The following TMEM245 variants were observed in gnomAD, a reference collection of about 807,000 sequenced individuals.
TMEM245 encodes the protein transmembrane protein 245.
In TMEM245, 69 loss-of-function variants were observed where a neutral mutation model predicts 101.2. The ratio of observed to expected loss-of-function variants is 0.68; its 90% confidence interval spans 0.56 to 0.83. The LOEUF is 0.83. Ranked by LOEUF, TMEM245 falls within the 40% of genes least tolerant of loss-of-function variation. The pLI is 0.00. For missense variants in TMEM245, 1,075 were observed against 1,092.8 expected (o/e 0.98, Z 0.23); for synonymous variants, 537 against 449.8 (o/e 1.19, Z -2.45).
chr9:109,068,184 G>A (rs1187473627), intron 9 of TMEM245, among the ~76,000 whole-genome samples: 4 of 152,052 alleles, frequency 2.6e-5, no homozygotes, highest in Admixed American at 6.6e-5. Context: ...TGGCTAACAC[G>A]GTGAAACCCT....
At chr9:109,059,817 C>T (rs1239537380) in intron 11 of TMEM245, among the ~76,000 whole-genome samples, 1 of 151,964 alleles carries the variant, frequency 6.6e-6, no homozygotes, top group African/African-American at 2.4e-5. Flanking sequence ...AGGAGCTAGC[C>T]ACATGTGGCT....
At position 109,119,542 on chromosome 9, in the gene TMEM245, C is replaced by T; in HGVS notation, c.372G>A (p.Leu124=). ...AGTCGACGAAGCAGAGCGGCAGGAG[C>T]AGCGCGGCCAGGACGATGGGCGTGT... The part of the protein sequence containing the change: ...RAHTPIVLAA[L]LLPLCFVDYG... Residue 124 remains leucine, a synonymous_variant, in exon 1 of 18, where the codon CTG becomes CTA. Transcript: ENST00000374586. 3 of 1,530,776 alleles carry T rather than the reference C, an allele frequency of 2.0e-6. No homozygotes were observed. Among genetic ancestry groups the T allele is most frequent in the Non-Finnish European group, 1.7e-6 (2 of 1,144,282 alleles). 94.8% of individuals were successfully genotyped at this position (1,530,776 alleles called of 1,614,324 possible).
chr9:109,084,600 T>G (rs189365021), intron 7 of TMEM245, among the ~76,000 whole-genome samples: 1 of 152,342 alleles, frequency 6.6e-6, no homozygotes, highest in East Asian at 1.9e-4. Context: ...AATCATCGCT[T>G]GAGCCCAAGT....
chr9:109,074,334 G>C (rs1829429073), intron 8 of TMEM245, among the ~76,000 whole-genome samples: 1 of 152,078 alleles, frequency 6.6e-6, no homozygotes, highest in Non-Finnish European at 1.5e-5. Context: ...ATACAATTTG[G>C]AACTCAGCCA....
chr9:109,083,298 G>A (rs541011159), intron 7 of TMEM245, among the ~76,000 whole-genome samples: 45 of 152,210 alleles, frequency 3.0e-4, no homozygotes, highest in Admixed American at 2.8e-3. Flanking sequence ...AAGAGAGGAA[G>A]CAATGGAGAA....
At chr9:109,068,226 C>T (rs1251943203) in intron 9 of TMEM245, among the ~76,000 whole-genome samples, 5 of 151,832 alleles carry the variant, frequency 3.3e-5, no homozygotes, top group South Asian at 2.1e-4. Context: ...AAAAATTAGC[C>T]GGGCGTGGTG....
intron 2 of TMEM245, among the ~76,000 whole-genome samples, chr9:109,108,166 C>G (rs944090083): frequency 8.5e-5 from 13 of 152,102 alleles, no homozygotes; most frequent in African/African-American, 2.9e-4. Flanking sequence ...ATATCTTCCC[C>G]TAAGTATGAC....
At chr9:109,072,272 G>A (rs1414138164) in intron 9 of TMEM245, among the ~76,000 whole-genome samples, 1 of 152,182 alleles carries the variant, frequency 6.6e-6, no homozygotes, top group Admixed American at 6.5e-5. Flanking sequence ...ACACTGGAAT[G>A]TGGACAGATG....
At chr9:109,113,264 A>C in intron 1 of TMEM245, among the ~76,000 whole-genome samples, 1 of 152,250 alleles carries the variant, frequency 6.6e-6, no homozygotes, top group East Asian at 1.9e-4. Flanking sequence ...CACAATTTCT[A>C]GTCTAGGACC....
chr9:109,085,560 CCATA>C (rs1383086706), intron 7 of TMEM245, among the ~76,000 whole-genome samples: 1 of 152,146 alleles, frequency 6.6e-6, no homozygotes, highest in Admixed American at 6.5e-5. Flanking sequence ...GCCAAGGAAA[CCATA>C]CAAATATTTC....
chr9:109,094,371 G>A (rs1830084800), intron 3 of TMEM245, among the ~76,000 whole-genome samples: 1 of 152,198 alleles, frequency 6.6e-6, no homozygotes, highest in South Asian at 2.1e-4. Context: ...CTGCAGCCGA[G>A]GTCTCACATG....
rs201455429 is a variant in TMEM245, at chr9:109,090,233, C to G, written c.1150+689G>C. 3.9e-5 allele frequency among the ~76,000 whole-genome samples: 6 copies of G among 152,156 alleles called. No individual in the cohort carries two copies. In the East Asian group the frequency reaches 1.2e-3, roughly 29 times the overall value. On this transcript the variant is annotated intron_variant, in intron 5 of 17. Coordinates refer to ENST00000374586, the MANE Select transcript of TMEM245 (RefSeq NM_032012.4). ...CTGAGATCGCGCCACTGCAATCCAG[C>G]CTGGGTGACAGAGCGAGACTCCGTC...
At chr9:109,106,792 TTCATCCCTGCTC>T (rs1310054359) in intron 2 of TMEM245, among the ~76,000 whole-genome samples, 183 bp from the exon 3 acceptor site, 1 of 152,060 alleles carries the variant, frequency 6.6e-6, no homozygotes, top group African/African-American at 2.4e-5. Flanking sequence ...CAAAATTAAG[TTCATCCCTGCTC>T]TCAGAGGCCC....
intron 17 of TMEM245, among the ~76,000 whole-genome samples, chr9:109,027,434 G>A (rs1268198324): frequency 6.6e-6 from 1 of 152,192 alleles, no homozygotes; most frequent in Non-Finnish European, 1.5e-5. Context: ...AACACTGGGA[G>A]ATTAAGTGGA....
In TMEM245 at chr9:109,106,552, G is replaced by A. The variant is rs866016741; in HGVS notation, c.755C>T (p.Ser252Phe). Reference sequence around the variant, plus strand: ...CTGTTTTTCATAGAGGGTACCCACAGACATCAGGAAAACAATAACCAGGAA... The same window carrying A: ...CTGTTTTTCATAGAGGGTACCCACAAACATCAGGAAAACAATAACCAGGAA... ...PVFLVIVFLM[S>F]VGTLYEKQNG... Residue 252 changes from serine to phenylalanine, a missense_variant, in exon 3 of 18, where the codon TCT becomes TTT. By Grantham distance (155) the Ser-to-Phe change is radical (BLOSUM62 -2). Coordinates refer to ENST00000374586, the MANE Select transcript of TMEM245 (RefSeq NM_032012.4). The A allele has an allele frequency of 6.2e-7, 1 of 1,612,546 alleles. No homozygotes were observed. The highest frequency in any genetic ancestry group is 8.5e-7 in the Non-Finnish European group (1 of 1,179,148).
In TMEM245 at chr9:109,038,009, G is replaced by T. The variant is rs754797971; in HGVS notation, c.2224+8C>A. 1.1e-5 allele frequency: 18 copies of T among 1,594,106 alleles called. No homozygotes were observed. Among genetic ancestry groups the T allele is most frequent in the Non-Finnish European group, 1.5e-5 (18 of 1,166,148 alleles). Reference sequence around the variant, plus strand: ...AGCGAATAGTGGAAGGTACAATATGGTTGTTACCTGATGGTATGAAGACAA... The same window carrying T: ...AGCGAATAGTGGAAGGTACAATATGTTTGTTACCTGATGGTATGAAGACAA... On this transcript the variant is annotated splice_region_variant and intron_variant, in intron 15 of 17. Coordinates refer to ENST00000374586, the MANE Select transcript of TMEM245 (RefSeq NM_032012.4).
chr9:109,033,558 T>C, intron 16 of TMEM245, 57 bp from the exon 17 acceptor site: 1 of 1,491,562 alleles, frequency 6.7e-7, no homozygotes, highest in Non-Finnish European at 9.0e-7. Flanking sequence ...CTGAAATACA[T>C]TTCTAATACA....
chr9:109,080,333 GTTC>G (rs138174121), intron 8 of TMEM245, among the ~76,000 whole-genome samples: 2,284 of 152,104 alleles, frequency 0.015, 33 homozygotes, highest in Middle Eastern at 0.031. Flanking sequence ...CATTTTAGGT[GTTC>G]TTTAGAGAAT....
intron 11 of TMEM245, among the ~76,000 whole-genome samples, chr9:109,059,574 C>A (rs141909393): frequency 1.9e-4 from 29 of 152,114 alleles, no homozygotes; most frequent in Non-Finnish European, 3.5e-4. Context: ...CCCAGCTACT[C>A]AGGAGGCTGA....
Sources: gnomAD v4.1 joint callset for allele counts (sites outside exome capture counted in the v4.1 genomes callset) on GRCh38, gnomAD v4.1.1 for gene constraint, MANE v1.5 for transcripts, NCBI Gene and HGNC (gene_info 2026-07-23, HGNC 2026-07-21) for gene names.